The following PCTP variants were observed in gnomAD, a reference collection of about 807,000 sequenced individuals.
PCTP encodes the protein phosphatidylcholine transfer protein.
In PCTP, 27 loss-of-function variants were observed where a neutral mutation model predicts 31.0. The observed-to-expected ratio is 0.87, with a 90% CI of 0.64 to 1.20. PCTP has a LOEUF of 1.20. Ranked by LOEUF, PCTP falls within the 50% of genes most tolerant of loss-of-function variation. PCTP has a pLI of 0.00. For missense variants in PCTP, 287 were observed against 268.2 expected (o/e 1.07, Z -0.49); for synonymous variants, 108 against 101.2 (o/e 1.07, Z -0.40).
chr17:55,753,950 G>T (rs1275330991), intron 1 of PCTP, among the ~76,000 whole-genome samples: 4 of 152,148 alleles, frequency 2.6e-5, no homozygotes, highest in Non-Finnish European at 5.9e-5. Context: ...AGGAGGGTGA[G>T]TCCTCATTAT....
rs1416814636 is a variant in PCTP, at chr17:55,767,769, T to TGC, written c.259+317_259+318insGC. On this transcript the variant is annotated intron_variant, in intron 2 of 5. Coordinates refer to ENST00000268896, the MANE Select transcript of PCTP (RefSeq NM_021213.4). ...CATGAGCCGCTGCACCCAGTGCTTT[T>TGC]TTTTTTTTTTTTTTTTGATCATTAA... Among the ~76,000 whole-genome samples the TGC allele has an allele frequency of 5.4e-5, 8 of 147,322 alleles. No individual in the cohort carries two copies. The Admixed American group carries it at 5.7e-4, about 11-fold the overall frequency.
intron 2 of PCTP, 166 bp from the exon 3 acceptor site, chr17:55,770,940 C>A: frequency 1.8e-6 from 1 of 556,274 alleles, no homozygotes; most frequent in South Asian, 2.4e-5. Context: ...ACCATATTTC[C>A]CAGGCTGGTC....
At chr17:55,846,582 G>C (rs1567738245), downstream of PCTP, among the ~76,000 whole-genome samples, 1 of 152,202 alleles carries the variant, frequency 6.6e-6, no homozygotes, top group African/African-American at 2.4e-5. Flanking sequence ...AGCAGTGTCT[G>C]TGTGGTACAT....
At chr17:55,816,240 G>T (rs1162992034) in intron 3 of PCTP, among the ~76,000 whole-genome samples, 1 of 152,104 alleles carries the variant, frequency 6.6e-6, no homozygotes, top group Non-Finnish European at 1.5e-5. Context: ...AATCCCAAAT[G>T]TTTTAGCCAA....
intron 3 of PCTP, among the ~76,000 whole-genome samples, chr17:55,794,697 G>A (rs771222668): frequency 6.6e-6 from 1 of 152,004 alleles, no homozygotes; most frequent in South Asian, 2.1e-4. Context: ...GCACCTAAAA[G>A]CATAAGTCAC....
chr17:55,814,230 A>G (rs1912842859), intron 3 of PCTP, among the ~76,000 whole-genome samples: 1 of 152,198 alleles, frequency 6.6e-6, no homozygotes, highest in African/African-American at 2.4e-5. Flanking sequence ...ATGAAGGGAC[A>G]TGCACATTTG....
chr17:55,807,603 T>G (rs1266552335), intron 3 of PCTP, among the ~76,000 whole-genome samples: 1 of 152,202 alleles, frequency 6.6e-6, no homozygotes, highest in African/African-American at 2.4e-5. Context: ...GTAGAATATT[T>G]GATAGACCTT....
At chr17:55,811,806 G>C (rs9890251) in intron 3 of PCTP, among the ~76,000 whole-genome samples, 7,245 of 152,234 alleles carry the variant, frequency 0.048, 547 homozygotes, top group African/African-American at 0.16. Context: ...CCAAAAGCTT[G>C]CTAATGTTTT....
At chr17:55,834,012 A>G (rs569848073) in intron 5 of PCTP, among the ~76,000 whole-genome samples, 1 of 152,204 alleles carries the variant, frequency 6.6e-6, no homozygotes, top group East Asian at 1.9e-4. Context: ...TGACTTACAA[A>G]AATGTAGGTG....
chr17:55,812,584 C>T (rs1442678530), intron 3 of PCTP, among the ~76,000 whole-genome samples: 2 of 152,190 alleles, frequency 1.3e-5, no homozygotes, highest in Non-Finnish European at 2.9e-5. Flanking sequence ...ATTAATCAGA[C>T]TGTCAACATT....
At chr17:55,759,024 G>C (rs1910197600) in intron 1 of PCTP, among the ~76,000 whole-genome samples, 1 of 152,228 alleles carries the variant, frequency 6.6e-6, no homozygotes, top group Admixed American at 6.5e-5. Context: ...CTTGAGAAGA[G>C]AGATGACTTG....
chr17:55,786,036 A>T (rs1214924660), intron 2 of PCTP, among the ~76,000 whole-genome samples: 2 of 152,150 alleles, frequency 1.3e-5, no homozygotes, highest in Non-Finnish European at 2.9e-5. Flanking sequence ...TAATCCCAAC[A>T]CTTTGGGGGG....
At chr17:55,852,111 T>C in the PCTP span, among the ~76,000 whole-genome samples, 3 of 152,202 alleles carry the variant, frequency 2.0e-5, no homozygotes, top group African/African-American at 7.2e-5. Context: ...ATTTTGACAT[T>C]TGTAGCTCCA....
At chr17:55,811,136 A>G (rs937981589) in intron 3 of PCTP, among the ~76,000 whole-genome samples, 2 of 152,318 alleles carry the variant, frequency 1.3e-5, no homozygotes, top group African/African-American at 2.4e-5. Context: ...CACTCAGACT[A>G]TAGGAATCAT....
At chr17:55,819,605 A>T (rs1309116120) in intron 3 of PCTP, among the ~76,000 whole-genome samples, 1 of 152,094 alleles carries the variant, frequency 6.6e-6, no homozygotes. Context: ...TAAACAAAAA[A>T]TTAGCCAACC....
intron 1 of PCTP, among the ~76,000 whole-genome samples, chr17:55,754,234 C>T (rs1396199667): frequency 6.6e-6 from 1 of 152,194 alleles, no homozygotes; most frequent in African/African-American, 2.4e-5. Context: ...CTTGTAATGC[C>T]AGTTGAAAGC....
intron 3 of PCTP, among the ~76,000 whole-genome samples, chr17:55,771,786 C>G (rs1052556985): frequency 6.6e-6 from 1 of 152,094 alleles, no homozygotes; most frequent in Middle Eastern, 3.2e-3. Flanking sequence ...ACTGTAAGGT[C>G]TTCAGAAGCC....
rs142284392 is a variant in PCTP at position 55,840,002 on chromosome 17, A to G, written n.506-2725A>G. On this transcript the variant is annotated intron_variant and non_coding_transcript_variant, in intron 5 of 5. Coordinates refer to the PCTP transcript ENST00000576221. ...CATTGGAATGTATATTCCTGTCCTT[A>G]ATTTAGTTTAAAGTGATGGATGTCT... Among the ~76,000 whole-genome samples the G allele has an allele frequency of 1.1e-4, 17 of 149,786 alleles. No homozygotes were observed. In the East Asian group the frequency reaches 3.3e-3, roughly 29 times the overall value.
intron 3 of PCTP, among the ~76,000 whole-genome samples, chr17:55,796,052 AG>A (rs1399497919): frequency 6.6e-6 from 1 of 152,006 alleles, no homozygotes; most frequent in Non-Finnish European, 1.5e-5. Flanking sequence ...TTAAACAGAA[AG>A]TGAATGAGGA....
Sources: gnomAD v4.1 joint callset for allele counts (sites outside exome capture counted in the v4.1 genomes callset) on GRCh38, gnomAD v4.1.1 for gene constraint, MANE v1.5 for transcripts, NCBI Gene and HGNC (gene_info 2026-07-23, HGNC 2026-07-21) for gene names.